BNC2: variants seen among roughly 807,000 people sequenced by gnomAD.
BNC2 encodes the protein basonuclin zinc finger protein 2.
In BNC2, 20 loss-of-function variants were observed where a neutral mutation model predicts 76.3. That is an observed-to-expected ratio of 0.26 (90% CI 0.18 to 0.38). BNC2 has a LOEUF of 0.38. BNC2 is among the 10% of genes least tolerant of loss of function. The probability of loss-of-function intolerance (pLI) is 1.00; values close to 1 mark genes in which losing one functional copy is unlikely to be tolerated. For synonymous variants in BNC2, 582 were observed against 514.8 expected (o/e 1.13, Z -1.77); for missense variants, 1,382 against 1,399.8 (o/e 0.99, Z 0.20).
chr9:16,708,716 G>C (rs1203484745), intron 3 of BNC2, among the ~76,000 whole-genome samples: 1 of 152,082 alleles, frequency 6.6e-6, no homozygotes, highest in Non-Finnish European at 1.5e-5. Context: ...GAAGGAGTCA[G>C]TAGGGAAAGG....
chr9:16,701,775 C>G (rs999071565), intron 3 of BNC2, among the ~76,000 whole-genome samples: 2 of 151,636 alleles, frequency 1.3e-5, no homozygotes, highest in Non-Finnish European at 1.5e-5. Context: ...AACCCCGTCT[C>G]TACTGAAAAT....
At chr9:16,728,104 T>C in intron 2 of BNC2, 107 bp from the exon 3 acceptor site, 2 of 572,516 alleles carry the variant, frequency 3.5e-6, no homozygotes, top group East Asian at 4.9e-5. Context: ...AAGGGGGAGA[T>C]TTGGGGGAGG....
chr9:16,482,598 G>A (rs1822081409), intron 5 of BNC2, among the ~76,000 whole-genome samples: 1 of 152,194 alleles, frequency 6.6e-6, no homozygotes, highest in Non-Finnish European at 1.5e-5. Flanking sequence ...ACTCATAGAA[G>A]GATGATGAGA....
intron 5 of BNC2, among the ~76,000 whole-genome samples, chr9:16,492,500 A>C (rs1202490102): frequency 6.6e-6 from 1 of 152,206 alleles, no homozygotes; most frequent in East Asian, 1.9e-4. Flanking sequence ...GGTTGTGAAA[A>C]CAGGAGGAAT....
chr9:16,529,115 C>A (rs1817900772), intron 5 of BNC2, among the ~76,000 whole-genome samples: 1 of 152,182 alleles, frequency 6.6e-6, no homozygotes, highest in Admixed American at 6.5e-5. Context: ...TACACGGATA[C>A]ACAGGATGGT....
At chr9:16,449,710 G>C (rs1307985631) in intron 5 of BNC2, among the ~76,000 whole-genome samples, 1 of 152,050 alleles carries the variant, frequency 6.6e-6, no homozygotes, top group African/African-American at 2.4e-5. Context: ...ATCACAATTA[G>C]TAAAAACATA....
intron 6 of BNC2, among the ~76,000 whole-genome samples, chr9:16,421,925 C>T (rs1820718809): frequency 6.6e-6 from 1 of 152,184 alleles, no homozygotes; most frequent in African/African-American, 2.4e-5. Flanking sequence ...TTTGCGATGA[C>T]TGTAATCTAG....
At chr9:16,421,760 A>C (rs1466276439) in intron 6 of BNC2, among the ~76,000 whole-genome samples, 2 of 152,190 alleles carry the variant, frequency 1.3e-5, no homozygotes, top group Non-Finnish European at 1.5e-5. Context: ...TGTGGGTACA[A>C]CACCACCAGT....
At chr9:16,509,455 T>C (rs907458750) in intron 5 of BNC2, among the ~76,000 whole-genome samples, 1 of 152,222 alleles carries the variant, frequency 6.6e-6, no homozygotes, top group Non-Finnish European at 1.5e-5. Flanking sequence ...CCAATTTCAC[T>C]AGTAACATTG....
intron 3 of BNC2, among the ~76,000 whole-genome samples, chr9:16,656,041 T>C (rs1010345228): frequency 6.6e-6 from 1 of 152,230 alleles, no homozygotes; most frequent in African/African-American, 2.4e-5. Context: ...ACACTGGGAA[T>C]GTCTGGAGAC....
chr9:16,642,847 G>T (rs1384494855), intron 3 of BNC2, among the ~76,000 whole-genome samples: 1 of 152,196 alleles, frequency 6.6e-6, no homozygotes, highest in South Asian at 2.1e-4. Flanking sequence ...AGTAGTTCAA[G>T]AGTCACAGTT....
Position 16,711,277 on chromosome 9 carries a change from G to C in BNC2, c.330+16520C>G, listed in dbSNP as rs73417998. ...TCACTTAATTGTGGAGGTGGGGAAG[G>C]GGGGGCGGTTGTTACAAAGATCAGG... On this transcript the variant is annotated intron_variant, in intron 3 of 6. Coordinates refer to ENST00000380672, the MANE Select transcript of BNC2 (RefSeq NM_017637.6). 1.2e-4 allele frequency among the ~76,000 whole-genome samples: 18 copies of C among 152,212 alleles called. No homozygotes were observed. The South Asian group carries it at 2.5e-3, about 21-fold the overall frequency.
At chr9:16,511,685 C>T (rs10117527) in intron 5 of BNC2, among the ~76,000 whole-genome samples, 16,893 of 151,884 alleles carry the variant, frequency 0.11, 1,264 homozygotes, top group East Asian at 0.31. Context: ...GGCCTCAGCC[C>T]CCCAAAGTGC....
chr9:16,534,141 G>C (rs1042214328), intron 5 of BNC2, among the ~76,000 whole-genome samples: 2 of 152,168 alleles, frequency 1.3e-5, no homozygotes, highest in African/African-American at 4.8e-5. Flanking sequence ...AAGAGCTCTA[G>C]ATGTGATATT....
intron 1 of BNC2, among the ~76,000 whole-genome samples, chr9:16,791,973 G>A (rs964207341): frequency 1.3e-5 from 2 of 151,748 alleles, no homozygotes; most frequent in African/African-American, 2.4e-5. Context: ...GTGGTTGCTC[G>A]TGCCTGTGGT....
intron 3 of BNC2, among the ~76,000 whole-genome samples, chr9:16,633,093 G>A (rs1821213329): frequency 6.6e-6 from 1 of 152,172 alleles, no homozygotes; most frequent in African/African-American, 2.4e-5. Context: ...GTCTGTTTTA[G>A]ATGAGCCACC....
Position 16,844,144 on chromosome 9 carries a change from G to GTT in BNC2, c.3+26500_3+26501dup, listed in dbSNP as rs5896709. On this transcript the variant is annotated intron_variant, in intron 1 of 6. Coordinates refer to ENST00000380672, the MANE Select transcript of BNC2 (RefSeq NM_017637.6). Reference sequence around the variant, plus strand: ...ATAAGAGTTTAGCAATTTCTCATAAGTTTTTTTTTTTACGTTACAAAAAAA... The same window carrying GTT: ...ATAAGAGTTTAGCAATTTCTCATAAGTTTTTTTTTTTTTACGTTACAAAAAAA... Among the ~76,000 whole-genome samples the GTT allele has an allele frequency of 7.9e-3, 1,154 of 146,692 alleles. 9 individuals are homozygous for GTT. The highest frequency in any genetic ancestry group is 0.012 in the Non-Finnish European group (794 of 66,620).
intron 1 of BNC2, among the ~76,000 whole-genome samples, chr9:16,776,719 G>A (rs899626284): frequency 7.9e-5 from 12 of 152,154 alleles, no homozygotes; most frequent in African/African-American, 2.4e-4. Context: ...AAACACTTAA[G>A]TAATTCCAAA....
At chr9:16,527,704 T>C (rs1817852503) in intron 5 of BNC2, among the ~76,000 whole-genome samples, 1 of 152,194 alleles carries the variant, frequency 6.6e-6, no homozygotes, top group Non-Finnish European at 1.5e-5. Flanking sequence ...GCAAAAAAGA[T>C]TATTTATAAG....
Sources: allele counts gnomAD v4.1 joint callset (sites outside exome capture counted in the v4.1 genomes callset), GRCh38; gene constraint gnomAD v4.1.1; transcripts MANE v1.5; gene names NCBI Gene and HGNC (gene_info 2026-07-23, HGNC 2026-07-21).